CACNA2D3: variants seen among roughly 807,000 people sequenced by gnomAD.
CACNA2D3 encodes calcium voltage-gated channel auxiliary subunit alpha2delta 3.
CACNA2D3 carries 60 observed loss-of-function variants against 160.6 expected under a neutral mutation model. The ratio of observed to expected loss-of-function variants is 0.37; its 90% CI spans 0.30 to 0.46. The LOEUF (loss-of-function observed/expected upper bound fraction) is 0.46. Among genes scored for constraint, CACNA2D3 ranks in the 20% least tolerant of loss-of-function variants. The pLI is 1.00. For synonymous variants in CACNA2D3, 558 were observed against 492.9 expected, an observed-to-expected ratio of 1.13 and a Z score of -1.75; for missense variants, 1,205 against 1,365.0, an observed-to-expected ratio of 0.88 and a Z score of 1.85.
At chr3:54,711,664 G>A (rs181207462) in intron 11 of CACNA2D3, among the ~76,000 whole-genome samples, 150 of 152,298 alleles carry the variant, frequency 9.8e-4, no homozygotes, top group Admixed American at 2.9e-3. Flanking sequence ...ACTGGGACTT[G>A]GGAGGAAGCC....
intron 4 of CACNA2D3, among the ~76,000 whole-genome samples, chr3:54,422,999 G>C (rs1699861735): frequency 6.6e-6 from 1 of 152,186 alleles, no homozygotes; most frequent in Non-Finnish European, 1.5e-5. Context: ...CAATTCTACA[G>C]GTAATGGCTG....
intron 4 of CACNA2D3, among the ~76,000 whole-genome samples, chr3:54,465,503 C>T (rs192391483): frequency 6.6e-5 from 10 of 152,138 alleles, no homozygotes; most frequent in African/African-American, 1.7e-4. Context: ...AGTACCATTG[C>T]GGTTTCAGGC....
intron 13 of CACNA2D3, among the ~76,000 whole-genome samples, chr3:54,780,817 G>A (rs1882320): frequency 0.23 from 35,138 of 152,092 alleles, 4,192 homozygotes; most frequent in Admixed American, 0.29. Context: ...TACTAAAGGA[G>A]TGGGGGGGTT....
intron 9 of CACNA2D3, among the ~76,000 whole-genome samples, chr3:54,585,354 C>T (rs1006564780): frequency 1.1e-4 from 16 of 151,774 alleles, no homozygotes; most frequent in Non-Finnish European, 2.4e-4. Flanking sequence ...CCTACAGCAA[C>T]CACTAAGAAA....
chr3:54,436,982 C>T (rs1575453864), intron 4 of CACNA2D3, among the ~76,000 whole-genome samples: 1 of 152,138 alleles, frequency 6.6e-6, no homozygotes, highest in African/African-American at 2.4e-5. Context: ...AAGGCTTCTG[C>T]ACTTCATTAG....
chr3:54,863,899 C>T (rs1013313196), intron 17 of CACNA2D3, among the ~76,000 whole-genome samples: 1 of 152,200 alleles, frequency 6.6e-6, no homozygotes, highest in African/African-American at 2.4e-5. Flanking sequence ...CCCGTTGCCT[C>T]CTTCCCACCT....
At chr3:54,468,405 A>G (rs1263183449) in intron 4 of CACNA2D3, among the ~76,000 whole-genome samples, 2 of 152,186 alleles carry the variant, frequency 1.3e-5, no homozygotes, top group Non-Finnish European at 2.9e-5. Context: ...CCAGCCAGAT[A>G]CTATGCTTTT....
chr3:54,883,642 C>T lies in CACNA2D3; in HGVS notation c.1913-1639C>T, dbSNP rs149583697. On this transcript the variant is annotated intron_variant, in intron 21 of 37. Transcript: ENST00000474759. ...CTAGAAAAAGACTTGACACTCTAAACCCAGTTTTCTGGGAAGGTACAGTCC... is the reference window on the plus strand; with the variant it reads ...CTAGAAAAAGACTTGACACTCTAAATCCAGTTTTCTGGGAAGGTACAGTCC... Among the ~76,000 whole-genome samples, 13 of 152,206 alleles carry T rather than the reference C, an allele frequency of 8.5e-5. No homozygotes were observed. The East Asian group carries it at 2.5e-3, about 29-fold the overall frequency.
intron 12 of CACNA2D3, among the ~76,000 whole-genome samples, chr3:54,753,952 T>C (rs1393452653): frequency 6.6e-6 from 1 of 152,244 alleles, no homozygotes; most frequent in Admixed American, 6.5e-5. Context: ...CACCATGTTA[T>C]ACTATATATC....
intron 27 of CACNA2D3, among the ~76,000 whole-genome samples, chr3:54,927,614 C>G (rs1701061123): frequency 6.6e-6 from 1 of 152,040 alleles, no homozygotes; most frequent in Non-Finnish European, 1.5e-5. Context: ...CACTTTTCCC[C>G]CCAAAGGAAT....
At chr3:54,783,236 C>T (rs1251539417) in intron 13 of CACNA2D3, among the ~76,000 whole-genome samples, 1 of 152,040 alleles carries the variant, frequency 6.6e-6, no homozygotes, top group East Asian at 1.9e-4. Context: ...AAATGTTGTT[C>T]CTGTTCCCAC....
At chr3:55,043,263 C>G (rs918262173) in intron 35 of CACNA2D3, among the ~76,000 whole-genome samples, 1 of 151,990 alleles carries the variant, frequency 6.6e-6, no homozygotes, top group African/African-American at 2.4e-5. Flanking sequence ...CTTATCCTTG[C>G]CAGCTCTTGG....
chr3:55,018,079 T>C, intron 34 of CACNA2D3, 127 bp from the exon 35 acceptor site: 1 of 649,110 alleles, frequency 1.5e-6, no homozygotes. Flanking sequence ...TAATGCATTA[T>C]GCTGTGCTAG....
chr3:54,925,098 G>C lies in CACNA2D3; in HGVS notation c.2449+25230G>C, dbSNP rs747423320. ...AGGAGGTAAATGGGAAGGGATTTCG[G>C]CCAGACCCTGCTGGCTGCAGTCTAC... On this transcript the variant is annotated intron_variant, in intron 27 of 37. Transcript: ENST00000474759. The C allele has an allele frequency of 1.4e-5, 22 of 1,613,928 alleles. No homozygotes were observed. The highest frequency in any genetic ancestry group is 3.3e-5 in the Admixed American group (2 of 59,990).
At chr3:54,431,420 G>T (rs752452270) in intron 4 of CACNA2D3, among the ~76,000 whole-genome samples, 8 of 151,938 alleles carry the variant, frequency 5.3e-5, no homozygotes, top group Non-Finnish European at 8.8e-5. Context: ...CAATCATAAA[G>T]GTTTTCATCC....
intron 17 of CACNA2D3, among the ~76,000 whole-genome samples, chr3:54,862,250 T>C (rs894374447): frequency 2.0e-5 from 3 of 152,206 alleles, no homozygotes; most frequent in South Asian, 2.1e-4. Context: ...ATTTCTTTCA[T>C]GGAAAAGGTG....
At chr3:54,188,788 A>C (rs571383320) in intron 2 of CACNA2D3, among the ~76,000 whole-genome samples, 1 of 152,308 alleles carries the variant, frequency 6.6e-6, no homozygotes, top group Admixed American at 6.5e-5. Context: ...AAATGGATAT[A>C]TATTTATTTT....
At chr3:54,710,388 A>G (rs145113728) in intron 11 of CACNA2D3, among the ~76,000 whole-genome samples, 122 of 152,360 alleles carry the variant, frequency 8.0e-4, no homozygotes, top group Middle Eastern at 3.4e-3. Flanking sequence ...TATGATGCAG[A>G]TTGAATAGTT....
rs541964375 is a variant in CACNA2D3 at position 54,720,722 on chromosome 3, G to A, written c.1168-31877G>A. ...TTGTATTTCTCTCTGTCTCATTTTA[G>A]TTCTGCTTAACATTTCAGCTTTTTG... is the stretch of plus-strand genomic sequence containing the variant. On this transcript the variant is annotated intron_variant, in intron 11 of 37. Coordinates refer to ENST00000474759, the MANE Select transcript of CACNA2D3 (RefSeq NM_018398.3). Among the ~76,000 whole-genome samples the A allele has an allele frequency of 5.9e-5, 9 of 152,116 alleles. No individual in the cohort carries two copies. In the South Asian group the frequency reaches 1.9e-3, roughly 32 times the overall value.
Sources: allele counts gnomAD v4.1 joint callset (sites outside exome capture counted in the v4.1 genomes callset), GRCh38; gene constraint gnomAD v4.1.1; transcripts MANE v1.5; gene names NCBI Gene and HGNC (gene_info 2026-07-23, HGNC 2026-07-21).